Variants in BLTP2 observed in about 807,000 individuals in gnomAD.
BLTP2 encodes U937-associated antigen.
the BLTP2 span, chr17:28,645,134 G>C: frequency 8.1e-7 from 1 of 1,239,850 alleles, no homozygotes; most frequent in Non-Finnish European, 1.1e-6. Context: ...CAGCACCGCC[G>C]CGGGCCGACC....
At chr17:28,631,591 G>A in the BLTP2 span, 1 of 1,614,146 alleles carries the variant, frequency 6.2e-7, no homozygotes, top group Non-Finnish European at 8.5e-7. Flanking sequence ...TTCAGTGGGT[G>A]AGGCCATCAG....
the BLTP2 span, chr17:28,643,239 G>T: frequency 1.2e-6 from 2 of 1,614,114 alleles, no homozygotes; most frequent in Non-Finnish European, 8.5e-7. Context: ...GGGAGAATGG[G>T]GCAGACAGGT....
chr17:28,639,467 T>G, the BLTP2 span: 3 of 1,612,016 alleles, frequency 1.9e-6, no homozygotes, highest in Non-Finnish European at 2.5e-6. Context: ...TCACCTGAAA[T>G]AAGAAGACCA....
At chr17:28,617,652 T>C in the BLTP2 span, among the ~76,000 whole-genome samples, 1 of 152,250 alleles carries the variant, frequency 6.6e-6, no homozygotes, top group Non-Finnish European at 1.5e-5. Context: ...ATTAGAATAT[T>C]CTATTCCAAG....
At chr17:28,638,057 T>C in the BLTP2 span, 1 of 1,614,242 alleles carries the variant, frequency 6.2e-7, no homozygotes, top group Non-Finnish European at 8.5e-7. Context: ...GGTATCTGAC[T>C]GGGTGCTGGA....
chr17:28,629,084 A>AT, the BLTP2 span, among the ~76,000 whole-genome samples: 13 of 150,388 alleles, frequency 8.6e-5, no homozygotes, highest in Non-Finnish European at 1.2e-4. Context: ...TTCCTCTAAA[A>AT]TTTTTTTTTT....
At chr17:28,621,692 TC>T in the BLTP2 span, among the ~76,000 whole-genome samples, 17 of 151,942 alleles carry the variant, frequency 1.1e-4, no homozygotes, top group Admixed American at 3.3e-4. Flanking sequence ...CTACCCAAAT[TC>T]TCCAACCCAA....
At chr17:28,635,163 C>A in the BLTP2 span, 1 of 1,613,894 alleles carries the variant, frequency 6.2e-7, no homozygotes, top group South Asian at 1.1e-5. Flanking sequence ...GGGTCTGCAG[C>A]GCAGGGAAGG....
At chr17:28,638,380 G>T in the BLTP2 span, 1 of 1,614,164 alleles carries the variant, frequency 6.2e-7, no homozygotes, top group East Asian at 2.2e-5. Context: ...AGGACGCCCC[G>T]CTGATGGATG....
chr17:28,627,470 G>A, the BLTP2 span, among the ~76,000 whole-genome samples: 7 of 151,348 alleles, frequency 4.6e-5, no homozygotes, highest in Non-Finnish European at 8.8e-5. Flanking sequence ...GCAGTGGTGC[G>A]ATCTAGGCTC....
At chr17:28,634,953 T>G in the BLTP2 span, 2 of 1,613,644 alleles carry the variant, frequency 1.2e-6, no homozygotes, top group Non-Finnish European at 1.7e-6. Context: ...AGAAAACCCA[T>G]GAGAAGTGCT....
chr17:28,637,908 A>G, the BLTP2 span: 1 of 1,614,196 alleles, frequency 6.2e-7, no homozygotes, highest in Non-Finnish European at 8.5e-7. Flanking sequence ...AATGACACAG[A>G]TTCCCCAAAT....
At chr17:28,632,930 C>T in the BLTP2 span, 4 of 1,510,794 alleles carry the variant, frequency 2.6e-6, no homozygotes, top group African/African-American at 1.4e-5. Context: ...CTGCCCCAGG[C>T]CCAAGCCTCA....
At chr17:28,643,248 G>A in the BLTP2 span, 1 of 1,614,122 alleles carries the variant, frequency 6.2e-7, no homozygotes, top group Admixed American at 1.7e-5. Flanking sequence ...GGGCAGACAG[G>A]TCAGAAACTT....
At chr17:28,638,557 G>A in the BLTP2 span, 1 of 1,612,954 alleles carries the variant, frequency 6.2e-7, no homozygotes, top group Non-Finnish European at 8.5e-7. Context: ...AAGGCAAAAG[G>A]TGGTGTATCT....
At chr17:28,632,251 AAG>A in the BLTP2 span, 1 of 1,584,028 alleles carries the variant, frequency 6.3e-7, no homozygotes, top group Non-Finnish European at 8.6e-7. Context: ...TGCAAAGAGA[AAG>A]ACAGACATTT....
chr17:28,640,607 A>G, the BLTP2 span: 10 of 1,613,988 alleles, frequency 6.2e-6, no homozygotes, highest in African/African-American at 1.2e-4. Context: ...TCTCCATCTT[A>G]ACCTTGACCT....
the BLTP2 span, chr17:28,634,111 C>A: frequency 1.5e-5 from 24 of 1,606,172 alleles, no homozygotes; most frequent in Non-Finnish European, 2.0e-5. Flanking sequence ...AGGGTACACA[C>A]TGGCTACTCA....
At chr17:28,644,941 CT>C in the BLTP2 span, 1 of 1,502,444 alleles carries the variant, frequency 6.7e-7, no homozygotes, top group Non-Finnish European at 9.1e-7. Context: ...TCTCCGCCCC[CT>C]CCCTCCCGCC....
Sources: allele counts gnomAD v4.1 joint callset (sites outside exome capture counted in the v4.1 genomes callset), GRCh38; gene constraint gnomAD v4.1.1; transcripts MANE v1.5; gene names NCBI Gene and HGNC (gene_info 2026-07-23, HGNC 2026-07-21).